Variants in ALDH3B1 observed in about 807,000 individuals in gnomAD.
The protein encoded by ALDH3B1 is aldehyde dehydrogenase family 3 member B1.
In ALDH3B1, 37 loss-of-function variants were observed where a neutral mutation model predicts 46.2. The ratio of observed to expected loss-of-function variants is 0.80; its 90% CI spans 0.62 to 1.05. ALDH3B1 has a LOEUF of 1.05. Ranked by LOEUF, ALDH3B1 falls within the 50% of genes least tolerant of loss-of-function variation. The pLI is 0.00. For missense variants in ALDH3B1, 603 were observed against 665.5 expected, an observed-to-expected ratio of 0.91 and a Z score of 1.03; for synonymous variants, 283 against 281.0, an observed-to-expected ratio of 1.01 and a Z score of -0.07.
chr11:68,026,400 A>G (rs966199301), intron 9 of ALDH3B1, among the ~76,000 whole-genome samples: 2 of 152,042 alleles, frequency 1.3e-5, no homozygotes, highest in African/African-American at 4.8e-5. Flanking sequence ...CTATGATCAC[A>G]CTGCCCACTG....
rs563816784 is a variant in ALDH3B1 at position 68,011,360 on chromosome 11, T to G, written c.-2+968T>G. Among the ~76,000 whole-genome samples the G allele has an allele frequency of 3.3e-5, 5 of 152,348 alleles. No homozygotes were observed. In the East Asian group the frequency reaches 9.6e-4, roughly 29 times the overall value. On this transcript the variant is annotated intron_variant, in intron 1 of 9. Coordinates refer to ENST00000342456, the MANE Select transcript of ALDH3B1 (RefSeq NM_000694.4). ...AAGGGGTAAGGCAGAGGGGACCTGA[T>G]GATGCCGGCTCAGGTGGACTGGAAT...
At chr11:68,015,216 C>T in intron 1 of ALDH3B1, 81 bp from the exon 2 acceptor site, 2 of 1,420,654 alleles carry the variant, frequency 1.4e-6, no homozygotes, top group Non-Finnish European at 1.9e-6. Flanking sequence ...GTCAGGGGTG[C>T]CCAGACCCTG....
At chr11:68,010,034 C>G (rs1226731064), upstream of ALDH3B1, among the ~76,000 whole-genome samples, 1 of 152,196 alleles carries the variant, frequency 6.6e-6, no homozygotes, top group African/African-American at 2.4e-5. Context: ...CCCCACTCCT[C>G]CTCCTCAGGC....
At chr11:68,017,410 G>C (rs1013257378) in intron 2 of ALDH3B1, 8 of 152,716 alleles carry the variant, frequency 5.2e-5, no homozygotes, top group Non-Finnish European at 1.2e-4. Flanking sequence ...TCTGGGCTTC[G>C]CTGGTCCTCT....
rs2286163 is a variant in ALDH3B1 at position 68,026,041 on chromosome 11, C to T, written c.1149C>T (p.Ser383=). 363,885 of 1,607,152 alleles carry T rather than the reference C, an allele frequency of 0.23. 42,243 individuals carry two copies. Among genetic ancestry groups the T allele is most frequent in the African/African-American group, 0.26 (19,477 of 74,798 alleles). Residue 383 remains serine (S), a synonymous_variant, in exon 9 of 10, where the codon AGC becomes AGT. Transcript: ENST00000342456. Reference sequence around the variant, plus strand: ...AGCGGGTGCTGACCCAGACCAGCAGCGGGGGCTTCTGTGGGAACGACGGCT... The same window carrying T: ...AGCGGGTGCTGACCCAGACCAGCAGTGGGGGCTTCTGTGGGAACGACGGCT... ...VVKRVLTQTS[S]GGFCGNDGFM...
At chr11:68,022,860 T>C (rs1281588616) in intron 8 of ALDH3B1, 99 bp downstream of exon 8, 23 of 1,528,250 alleles carry the variant, frequency 1.5e-5, no homozygotes, top group Non-Finnish European at 2.0e-5. Context: ...CTTCAGGACT[T>C]TGGGATGGTG....
rs530090124 is a variant in ALDH3B1 at position 68,023,449 on chromosome 11, G to A, written c.1116+688G>A. Among the ~76,000 whole-genome samples the A allele has an allele frequency of 2.0e-4, 30 of 151,920 alleles. 1 individual carries two copies. The South Asian group carries it at 2.5e-3, about 13-fold the overall frequency. The stretch of plus-strand genomic sequence containing the variant: ...CTCCTGTGTAGCTGGGATTACAGGC[G>A]TGTGCCACTATGCCCGGCTAATTCT... On this transcript the variant is annotated intron_variant, in intron 8 of 9. Transcript: ENST00000342456.
Position 68,027,864 on chromosome 11 carries a change from G to T in ALDH3B1, c.1332G>T (p.Pro444=). 6.4e-7 allele frequency: 1 copy of T among 1,560,476 alleles called. No individual in the cohort carries two copies. The highest frequency in any genetic ancestry group is 8.7e-7 in the Non-Finnish European group (1 of 1,153,792). Residue 444 remains proline, a synonymous_variant, in exon 10 of 10, where the codon CCG becomes CCT. Transcript: ENST00000342456. The stretch of plus-strand genomic sequence containing the variant: ...AGAAGCTCAACGCCCTCCGCTACCC[G>T]CCGCAATCGCCGCGCCGCCTGAGGA... ...GMEKLNALRY[P]PQSPRRLRML...
chr11:68,025,090 T>A (rs368868131), intron 8 of ALDH3B1: 2 of 152,328 alleles, frequency 1.3e-5, no homozygotes, highest in South Asian at 4.2e-4. Context: ...AGTGGAGTCA[T>A]CTGGCTTCAA....
upstream of ALDH3B1, among the ~76,000 whole-genome samples, chr11:68,010,006 G>A (rs1359056135): frequency 6.6e-6 from 1 of 152,168 alleles, no homozygotes; most frequent in African/African-American, 2.4e-5. Flanking sequence ...CCCACACCGG[G>A]ATTCCCAGGG....
chr11:68,025,995 C>T lies in ALDH3B1; in HGVS notation c.1117-14C>T. 1 of 1,575,868 alleles carries T rather than the reference C, an allele frequency of 6.3e-7. No homozygotes were observed. Among genetic ancestry groups the T allele is most frequent in the Non-Finnish European group, 8.6e-7 (1 of 1,160,272 alleles). On this transcript the variant is annotated splice_polypyrimidine_tract_variant and intron_variant, in intron 8 of 9. Transcript: ENST00000342456. Reference sequence around the variant, plus strand: ...GGCTCAAGGCAGCCTCACGCACATCCTGTTCTCTCCCAGGTGGTCAAGCGG... The same window carrying T: ...GGCTCAAGGCAGCCTCACGCACATCTTGTTCTCTCCCAGGTGGTCAAGCGG...
intron 2 of ALDH3B1, chr11:68,018,294 C>T (rs1857396607): frequency 1.8e-6 from 1 of 558,228 alleles, no homozygotes; most frequent in South Asian, 2.1e-5. Flanking sequence ...AGCGTTCTCA[C>T]TTTCACATGG....
Position 68,021,640 on chromosome 11 carries a change from G to A in ALDH3B1, c.718G>A (p.Ala240Thr), listed in dbSNP as rs1483422171. The A allele has an allele frequency of 4.3e-6, 7 of 1,613,938 alleles. No individual in the cohort carries two copies. Among genetic ancestry groups the A allele is most frequent in the Non-Finnish European group, 5.1e-6 (6 of 1,179,968 alleles). Residue 240 changes from alanine (A) to threonine (T), a missense_variant, in exon 7 of 10, where the codon GCC becomes ACC. By Grantham distance (58) the Ala-to-Thr change is moderately conservative. Coordinates refer to ENST00000342456, the MANE Select transcript of ALDH3B1 (RefSeq NM_000694.4). ...NRVAWFRYFNAGQTCVAPDYV... is the reference protein window; with the variant it reads ...NRVAWFRYFNTGQTCVAPDYV... ...CGTGGCCTGGTTCCGCTACTTCAAC[G>A]CCGGCCAGACCTGCGTGGCCCCCGA... is the stretch of plus-strand genomic sequence containing the variant.
upstream of ALDH3B1, among the ~76,000 whole-genome samples, chr11:68,009,030 G>A (rs936394631): frequency 1.3e-5 from 2 of 152,160 alleles, no homozygotes; most frequent in African/African-American, 2.4e-5. Context: ...CCACCAAGGC[G>A]ACACGTGGCA....
chr11:68,012,451 C>T (rs962158842), intron 1 of ALDH3B1, among the ~76,000 whole-genome samples: 1 of 152,236 alleles, frequency 6.6e-6, no homozygotes, highest in Non-Finnish European at 1.5e-5. Flanking sequence ...GCAACTCCCC[C>T]CCACCCCAGA....
At chr11:68,020,708 G>A (rs764966507) in intron 6 of ALDH3B1, among the ~76,000 whole-genome samples, 2 of 152,206 alleles carry the variant, frequency 1.3e-5, no homozygotes, top group Non-Finnish European at 2.9e-5. Flanking sequence ...AGCCCAGGAA[G>A]CACTGTGCCA....
At position 68,028,754 on chromosome 11, in the gene ALDH3B1, GC is replaced by G. The variant is rs1307276860; in HGVS notation, c.*816del. 4 of 151,864 alleles carry G rather than the reference GC, an allele frequency of 2.6e-5. No homozygotes were observed. Among genetic ancestry groups the G allele is most frequent in the Admixed American group, 6.6e-5 (1 of 15,228 alleles). The allele number at this position is 151,864 out of a possible 1,614,324, so 9.4% of individuals were successfully genotyped here. A position where few individuals can be genotyped will look rare whatever the true frequency, so the allele number is the denominator to read the frequency against. On this transcript the variant is annotated 3_prime_UTR_variant, in exon 10 of 10. Coordinates refer to ENST00000342456, the MANE Select transcript of ALDH3B1 (RefSeq NM_000694.4). The stretch of plus-strand genomic sequence containing the variant: ...GATTGAGGGATTGAGGGATTGCTGA[GC>G]TGGAGCTCCAGGTGTCCTATCTTTC...
At chr11:68,019,840 A>T in intron 6 of ALDH3B1, 44 bp downstream of exon 6, 1 of 1,595,956 alleles carries the variant, frequency 6.3e-7, no homozygotes, top group Non-Finnish European at 8.6e-7. Flanking sequence ...GTCGGGGAGG[A>T]CAGCTGCTCA....
chr11:68,013,254 C>T (rs1857271844), intron 1 of ALDH3B1, among the ~76,000 whole-genome samples: 4 of 152,186 alleles, frequency 2.6e-5, no homozygotes, highest in Admixed American at 2.6e-4. Context: ...GCTGGTTGCC[C>T]TGTGGGAGAG....
Sources: allele counts gnomAD v4.1 joint callset (sites outside exome capture counted in the v4.1 genomes callset), GRCh38; gene constraint gnomAD v4.1.1; transcripts MANE v1.5; gene names NCBI Gene and HGNC (gene_info 2026-07-23, HGNC 2026-07-21).